The following GPC5 variants were observed in gnomAD, a reference collection of about 807,000 sequenced individuals.
GPC5 encodes the protein glypican 5.
GPC5 carries 47 observed loss-of-function variants against 53.9 expected under a neutral mutation model. The observed-to-expected ratio is 0.87, with a 90% CI of 0.69 to 1.11. The LOEUF is 1.11. GPC5 is among the 50% of genes most tolerant of loss of function. The probability of loss-of-function intolerance (pLI) is 0.00; values close to 1 mark genes in which losing one functional copy is unlikely to be tolerated. For missense variants in GPC5, 748 were observed against 713.1 expected, an observed-to-expected ratio of 1.05 and a Z score of -0.56; for synonymous variants, 286 against 263.3, an observed-to-expected ratio of 1.09 and a Z score of -0.84.
At chr13:91,955,547 T>C (rs2040065149) in intron 6 of GPC5, among the ~76,000 whole-genome samples, 1 of 152,150 alleles carries the variant, frequency 6.6e-6, no homozygotes, top group South Asian at 2.1e-4. Context: ...CACCTGGGAT[T>C]TGTTGGGAGC....
intron 7 of GPC5, among the ~76,000 whole-genome samples, chr13:92,414,107 A>C (rs761892238): frequency 3.3e-5 from 5 of 152,206 alleles, no homozygotes; most frequent in African/African-American, 7.2e-5. Context: ...ATGCTTTGCT[A>C]GTCGGAGAAT....
intron 7 of GPC5, chr13:92,446,563 G>T (rs955841558): frequency 5.9e-5 from 9 of 151,958 alleles, no homozygotes; most frequent in African/African-American, 2.2e-4. Flanking sequence ...CTAGATCTTG[G>T]CTATTGTGAA....
intron 2 of GPC5, among the ~76,000 whole-genome samples, chr13:91,469,011 G>A (rs1882431060): frequency 6.6e-6 from 1 of 151,804 alleles, no homozygotes; most frequent in African/African-American, 2.4e-5. Flanking sequence ...CTGAGTAGCT[G>A]AGACTACAGG....
Position 91,596,984 on chromosome 13 carries a change from T to G in GPC5, c.326-96203T>G, listed in dbSNP as rs114534047. 6.0e-3 allele frequency among the ~76,000 whole-genome samples: 917 copies of G among 152,318 alleles called. 4 individuals carry two copies. Among genetic ancestry groups the G allele is most frequent in the African/African-American group, 0.02 (835 of 41,572 alleles). On this transcript the variant is annotated intron_variant, in intron 2 of 7. Coordinates refer to ENST00000377067, the MANE Select transcript of GPC5 (RefSeq NM_004466.6). ...TCTTGCAAACTCTGCCGCTTTGATT[T>G]CTCCAGACTCTCTGCAGTGTCTCCC...
In GPC5 at chr13:92,144,934, T is replaced by C; in HGVS notation, c.1506T>C (p.Asp502=). ...EQVSGDCDDE[D]GCGGSGSGEV... ...TCAGTGGGGACTGTGATGATGAAGA[T>C]GGTTGCGGGGGATCAGGAAGTGGAG... Residue 502 remains aspartate, a synonymous_variant, in exon 7 of 8, where the codon GAT becomes GAC. Coordinates refer to ENST00000377067, the MANE Select transcript of GPC5 (RefSeq NM_004466.6). 6.3e-7 allele frequency: 1 copy of C among 1,590,340 alleles called. No individual in the cohort carries two copies. Among genetic ancestry groups the C allele is most frequent in the Non-Finnish European group, 8.5e-7 (1 of 1,170,910 alleles).
At chr13:91,586,931 G>A (rs1214269234) in intron 2 of GPC5, among the ~76,000 whole-genome samples, 1 of 151,798 alleles carries the variant, frequency 6.6e-6, no homozygotes, top group Non-Finnish European at 1.5e-5. Flanking sequence ...ATAAATTTGG[G>A]GTAACAGGCT....
chr13:92,592,378 G>A (rs946492681), intron 7 of GPC5, among the ~76,000 whole-genome samples: 12 of 151,410 alleles, frequency 7.9e-5, no homozygotes, highest in Admixed American at 7.9e-4. Flanking sequence ...GTTTCAAGAA[G>A]GAGACAAGCA....
chr13:91,593,347 C>T (rs779849764), intron 2 of GPC5, among the ~76,000 whole-genome samples: 3 of 152,220 alleles, frequency 2.0e-5, no homozygotes, highest in Non-Finnish European at 4.4e-5. Context: ...TGGTCGCACT[C>T]AGTGGGAGTG....
chr13:91,566,940 T>TTTTG (rs1198176387), intron 2 of GPC5, among the ~76,000 whole-genome samples: 1 of 151,838 alleles, frequency 6.6e-6, no homozygotes, highest in South Asian at 2.1e-4. Flanking sequence ...TCTTTTTTTT[T>TTTTG]TTTTTTGAGA....
At chr13:92,074,860 C>A (rs2138870820) in intron 6 of GPC5, among the ~76,000 whole-genome samples, 1 of 152,342 alleles carries the variant, frequency 6.6e-6, no homozygotes, top group South Asian at 2.1e-4. Context: ...ACTCTGCCAT[C>A]TGCTGGTGCA....
At chr13:91,944,756 TAAG>T (rs1370298904) in intron 6 of GPC5, among the ~76,000 whole-genome samples, 1 of 152,224 alleles carries the variant, frequency 6.6e-6, no homozygotes, top group East Asian at 1.9e-4. Flanking sequence ...AATCTCTTAA[TAAG>T]AACTTTCTGT....
At chr13:92,575,486 C>A (rs1031859870) in intron 7 of GPC5, among the ~76,000 whole-genome samples, 1 of 152,134 alleles carries the variant, frequency 6.6e-6, no homozygotes, top group Non-Finnish European at 1.5e-5. Context: ...GCAGAGGGAA[C>A]CTGGCCCTGC....
At chr13:91,839,688 A>G (rs1432526338) in intron 5 of GPC5, among the ~76,000 whole-genome samples, 1 of 152,088 alleles carries the variant, frequency 6.6e-6, no homozygotes, top group Non-Finnish European at 1.5e-5. Flanking sequence ...ACCTTTGCAT[A>G]CCCATTATCC....
At chr13:91,847,619 A>C (rs939650606) in intron 5 of GPC5, among the ~76,000 whole-genome samples, 1 of 152,218 alleles carries the variant, frequency 6.6e-6, no homozygotes, top group East Asian at 1.9e-4. Context: ...AATTAAGATC[A>C]AAAGAATAAT....
At chr13:92,588,957 T>C (rs1883630501) in intron 7 of GPC5, among the ~76,000 whole-genome samples, 1 of 152,140 alleles carries the variant, frequency 6.6e-6, no homozygotes, top group Admixed American at 6.5e-5. Flanking sequence ...TCACTAACAT[T>C]GGGAGAAAAT....
chr13:92,840,087 A>C (rs1365456859), intron 7 of GPC5, among the ~76,000 whole-genome samples: 13 of 35,390 alleles, frequency 3.7e-4, no homozygotes, highest in Non-Finnish European at 5.0e-4. Flanking sequence ...ACATATATAT[A>C]TATATATATA....
intron 2 of GPC5, among the ~76,000 whole-genome samples, chr13:91,664,849 T>G (rs988613372): frequency 6.6e-6 from 1 of 152,238 alleles, no homozygotes; most frequent in Non-Finnish European, 1.5e-5. Context: ...CTCCTTTACC[T>G]GTGGATCCTC....
chr13:92,186,278 A>G (rs1167042722), intron 7 of GPC5, among the ~76,000 whole-genome samples: 1 of 151,964 alleles, frequency 6.6e-6, no homozygotes, highest in Non-Finnish European at 1.5e-5. Flanking sequence ...TCTTTTGGGC[A>G]TTTCAGCTTT....
Position 92,277,556 on chromosome 13 carries a change from T to C in GPC5, c.1561+132567T>C, listed in dbSNP as rs1369559944. Among the ~76,000 whole-genome samples, 7 of 152,152 alleles carry C rather than the reference T, an allele frequency of 4.6e-5. No homozygotes were observed. The East Asian group carries it at 5.8e-4, about 13-fold the overall frequency. On this transcript the variant is annotated intron_variant, in intron 7 of 7. Transcript: ENST00000377067. ...TTCAAGAGTATATGTAAATTGATGA[T>C]GCATTTCCTCCTCTGCTGCTAATAA...
Sources: allele counts gnomAD v4.1 joint callset (sites outside exome capture counted in the v4.1 genomes callset), GRCh38; gene constraint gnomAD v4.1.1; transcripts MANE v1.5; gene names NCBI Gene and HGNC (gene_info 2026-07-23, HGNC 2026-07-21).